The following HOMER1 variants were observed in gnomAD, a reference collection of about 807,000 sequenced individuals.
HOMER1 encodes homer protein homolog 1.
HOMER1 carries 3 observed loss-of-function variants against 48.9 expected under a neutral mutation model. That is an observed-to-expected ratio of 0.06 (90% CI 0.03 to 0.16). The LOEUF (loss-of-function observed/expected upper bound fraction) is 0.16. HOMER1 is among the 10% of genes least tolerant of loss of function. The pLI, the probability that HOMER1 is intolerant of heterozygous loss-of-function variation, is 1.00. For missense variants in HOMER1, 247 were observed against 411.4 expected (o/e 0.60, Z 3.46); for synonymous variants, 134 against 146.4 (o/e 0.92, Z 0.61).
At chr5:79,407,201 C>T (rs1749686878) in intron 5 of HOMER1, among the ~76,000 whole-genome samples, 1 of 151,928 alleles carries the variant, frequency 6.6e-6, no homozygotes. Context: ...TTCATAATAA[C>T]AGCCTAGCAG....
chr5:79,402,814 T>C (rs993461983), intron 5 of HOMER1, among the ~76,000 whole-genome samples: 3 of 152,234 alleles, frequency 2.0e-5, no homozygotes, highest in Non-Finnish European at 4.4e-5. Context: ...GGATATGTAA[T>C]GTAGTATTTC....
chr5:79,393,220 A>T (rs1254937758), intron 8 of HOMER1, among the ~76,000 whole-genome samples: 7 of 152,212 alleles, frequency 4.6e-5, no homozygotes, highest in African/African-American at 1.7e-4. Context: ...ATAGAAATAA[A>T]AAACAAGATC....
At chr5:79,429,521 T>C (rs562702605) in intron 5 of HOMER1, among the ~76,000 whole-genome samples, 28 of 152,286 alleles carry the variant, frequency 1.8e-4, no homozygotes, top group Non-Finnish European at 3.2e-4. Flanking sequence ...TTTCAACAAA[T>C]GGTGCTGGAA....
chr5:79,492,934 TTA>T (rs1491495276), intron 1 of HOMER1, among the ~76,000 whole-genome samples: 45 of 102,500 alleles, frequency 4.4e-4, no homozygotes, highest in African/African-American at 2.2e-3. Context: ...TTTTTTTTTT[TTA>T]AAGACAGAGT....
At chr5:79,401,762 C>T (rs977855114) in intron 6 of HOMER1, 137 bp downstream of exon 6, 2 of 768,232 alleles carry the variant, frequency 2.6e-6, no homozygotes, top group Non-Finnish European at 4.2e-6. Context: ...CAAACAAATG[C>T]ATATCATACA....
At chr5:79,398,816 A>G (rs1749462992) in intron 6 of HOMER1, among the ~76,000 whole-genome samples, 1 of 152,178 alleles carries the variant, frequency 6.6e-6, no homozygotes, top group Admixed American at 6.5e-5. Flanking sequence ...CCTTGTCCTA[A>G]GAACAAGTGA....
chr5:79,397,511 A>C lies in HOMER1; in HGVS notation c.795+16T>G. On this transcript the variant is annotated intron_variant, in intron 7 of 8. Transcript: ENST00000334082. ...CATGTTAGCTAGATTACAGATGAGT[A>C]AAAAGCAGCAAATACCTCTTCCTTC... 6.5e-6 allele frequency: 9 copies of C among 1,394,492 alleles called. No individual in the cohort carries two copies. The highest frequency in any genetic ancestry group is 9.1e-6 in the Non-Finnish European group (9 of 984,232). 86.4% of individuals were successfully genotyped at this position (1,394,492 alleles called of 1,614,324 possible).
intron 4 of HOMER1, among the ~76,000 whole-genome samples, chr5:79,442,033 A>G (rs1277951866): frequency 1.3e-5 from 2 of 151,948 alleles, no homozygotes; most frequent in African/African-American, 4.8e-5. Context: ...CAAAAAATAA[A>G]ATGAAATAAA....
intron 1 of HOMER1, among the ~76,000 whole-genome samples, chr5:79,497,172 T>C (rs1258836304): frequency 6.6e-6 from 1 of 151,448 alleles, no homozygotes; most frequent in East Asian, 1.9e-4. Context: ...GTAAGTAAGA[T>C]GTCTTCTAAA....
intron 5 of HOMER1, among the ~76,000 whole-genome samples, chr5:79,438,019 T>G (rs898988721): frequency 2.0e-5 from 3 of 152,210 alleles, no homozygotes; most frequent in Non-Finnish European, 4.4e-5. Context: ...GGTCTCCCAA[T>G]GTTAGCCTCT....
intron 1 of HOMER1, among the ~76,000 whole-genome samples, chr5:79,489,046 A>G (rs1752197375): frequency 6.6e-6 from 1 of 152,222 alleles, no homozygotes; most frequent in Admixed American, 6.5e-5. Context: ...CATTCTGTTA[A>G]GAGCTGTGGG....
At chr5:79,385,505 A>G (rs1008185077) in intron 8 of HOMER1, among the ~76,000 whole-genome samples, 3 of 152,184 alleles carry the variant, frequency 2.0e-5, no homozygotes, top group African/African-American at 7.2e-5. Flanking sequence ...AAAATGCTCA[A>G]TATCACTAAT....
At chr5:79,435,194 T>TA (rs1393936869) in intron 5 of HOMER1, among the ~76,000 whole-genome samples, 4 of 150,374 alleles carry the variant, frequency 2.7e-5, no homozygotes, top group African/African-American at 1.0e-4. Context: ...AAGAAAGACT[T>TA]AAAGAACAAA....
chr5:79,431,175 T>C (rs1425689111), intron 5 of HOMER1, among the ~76,000 whole-genome samples: 2 of 151,942 alleles, frequency 1.3e-5, no homozygotes, highest in African/African-American at 4.8e-5. Flanking sequence ...ACAAAAAATA[T>C]TAGCCGGCAT....
chr5:79,436,505 T>TG, intron 5 of HOMER1, among the ~76,000 whole-genome samples: 1 of 152,370 alleles, frequency 6.6e-6, no homozygotes, highest in Non-Finnish European at 1.5e-5. Context: ...GTCTTCCACA[T>TG]GCCAAAGGCA....
chr5:79,445,757 T>C (rs761655359), intron 4 of HOMER1, among the ~76,000 whole-genome samples: 1 of 151,896 alleles, frequency 6.6e-6, no homozygotes, highest in Non-Finnish European at 1.5e-5. Flanking sequence ...ACTAATAAAA[T>C]GCAAAAATTA....
chr5:79,450,860 G>T, intron 3 of HOMER1, 130 bp downstream of exon 3: 1 of 827,066 alleles, frequency 1.2e-6, no homozygotes, highest in Non-Finnish European at 1.8e-6. Context: ...TTGCTCTGAA[G>T]TCACTACTGC....
At chr5:79,475,037 A>G (rs1751723562) in intron 1 of HOMER1, among the ~76,000 whole-genome samples, 1 of 152,236 alleles carries the variant, frequency 6.6e-6, no homozygotes, top group Non-Finnish European at 1.5e-5. Flanking sequence ...GCTACTCCTA[A>G]ATCTGAAGAC....
intron 5 of HOMER1, among the ~76,000 whole-genome samples, chr5:79,409,690 A>G (rs1749764728): frequency 6.6e-6 from 1 of 152,198 alleles, no homozygotes; most frequent in South Asian, 2.1e-4. Context: ...CTCAACAATA[A>G]CAATTTAAAA....
Sources: gnomAD v4.1 joint callset for allele counts (sites outside exome capture counted in the v4.1 genomes callset) on GRCh38, gnomAD v4.1.1 for gene constraint, MANE v1.5 for transcripts, NCBI Gene and HGNC (gene_info 2026-07-23, HGNC 2026-07-21) for gene names.